EFTUD2: variants seen among roughly 807,000 people sequenced by gnomAD.
EFTUD2 encodes the protein 116 kDa U5 small nuclear ribonucleoprotein component.
In EFTUD2, 9 loss-of-function variants were observed where a neutral mutation model predicts 114.3. That is an observed-to-expected ratio of 0.08 (90% CI 0.05 to 0.14). The LOEUF is 0.14. Ranked by LOEUF, EFTUD2 falls within the 10% of genes least tolerant of loss-of-function variation. The pLI is 1.00. For synonymous variants in EFTUD2, 449 were observed against 462.3 expected (o/e 0.97, Z 0.37); for missense variants, 765 against 1,241.2 (o/e 0.62, Z 5.76).
chr17:44,873,774 C>T (rs1210920284), intron 10 of EFTUD2, among the ~76,000 whole-genome samples: 4 of 150,748 alleles, frequency 2.7e-5, no homozygotes, highest in Non-Finnish European at 5.9e-5. Flanking sequence ...CTCTGTTGCC[C>T]AGGCTGGAGT....
chr17:44,862,910 G>T lies in EFTUD2; in HGVS notation c.1414-4C>A. On this transcript the variant is annotated splice_region_variant and splice_polypyrimidine_tract_variant and intron_variant, in intron 15 of 27. Coordinates refer to ENST00000426333, the MANE Select transcript of EFTUD2 (RefSeq NM_004247.4). The stretch of plus-strand genomic sequence containing the variant: ...TAGTGTGGCACATCAGGGGGCCCTG[G>T]AAGAGGGGACAGGGTGCAGCTTCAA... 1 of 1,607,104 alleles carries T rather than the reference G, an allele frequency of 6.2e-7. No individual in the cohort carries two copies. Among genetic ancestry groups the T allele is most frequent in the Non-Finnish European group, 8.5e-7 (1 of 1,174,292 alleles).
intron 13 of EFTUD2, 22 bp from the exon 14 acceptor site, chr17:44,865,087 T>C (rs373778863): frequency 5.6e-6 from 9 of 1,613,892 alleles, no homozygotes; most frequent in African/African-American, 2.7e-5. Context: ...TAAGACACCA[T>C]GTCAGCTGTA....
rs1250584430 is a variant in EFTUD2 at position 44,874,037 on chromosome 17, T to C, written c.870-1467A>G. Among the ~76,000 whole-genome samples the C allele has an allele frequency of 3.4e-4, 44 of 129,394 alleles. No individual in the cohort carries two copies. In the East Asian group the frequency reaches 4.1e-3, roughly 12 times the overall value. 84.9% of individuals were successfully genotyped at this position (129,394 alleles called of 152,430 possible). On this transcript the variant is annotated intron_variant, in intron 10 of 27. Coordinates refer to ENST00000426333, the MANE Select transcript of EFTUD2 (RefSeq NM_004247.4). Reference sequence around the variant, plus strand: ...GCGTGAGCCACCGTGCCCGGCCTCTTTTTTTTTTTTTTTTTTTTTTAAGAG... The same window carrying C: ...GCGTGAGCCACCGTGCCCGGCCTCTCTTTTTTTTTTTTTTTTTTTTAAGAG...
At chr17:44,880,072 G>A (rs2051043194) in intron 8 of EFTUD2, among the ~76,000 whole-genome samples, 1 of 152,184 alleles carries the variant, frequency 6.6e-6, no homozygotes, top group South Asian at 2.1e-4. Flanking sequence ...GCATCAGATG[G>A]TGCCAAGAAA....
chr17:44,864,037 A>G, intron 14 of EFTUD2: 1 of 356,672 alleles, frequency 2.8e-6, no homozygotes, highest in Non-Finnish European at 5.1e-6. Context: ...TCAGCTGACA[A>G]AAAGTTTAAA....
intron 2 of EFTUD2, 28 bp from the exon 3 acceptor site, chr17:44,886,778 G>A (rs777040962): frequency 2.5e-6 from 4 of 1,600,554 alleles, no homozygotes; most frequent in South Asian, 2.2e-5. Flanking sequence ...AGGGAGAATC[G>A]AAGAGGCACA....
At position 44,885,298 on chromosome 17, in the gene EFTUD2, G is replaced by A. The variant is rs2051147584; in HGVS notation, c.308C>T (p.Thr103Ile). 1 of 1,613,878 alleles carries A rather than the reference G, an allele frequency of 6.2e-7. No individual in the cohort carries two copies. Among genetic ancestry groups the A allele is most frequent in the Non-Finnish European group, 8.5e-7 (1 of 1,179,868 alleles). Residue 103 changes from threonine to isoleucine, a missense_variant, in exon 4 of 28, where the codon ACT (threonine) becomes ATT (isoleucine). By Grantham distance (89) the Thr-to-Ile change is moderately conservative. Transcript: ENST00000426333. ...AACAGGTAATGTCTGCTCCATCAGA[G>A]TGAATTTCTTGGTTTTCACTGGCTT... ...IIKPVKTKKF[T>I]LMEQTLPVTV...
intron 1 of EFTUD2, among the ~76,000 whole-genome samples, chr17:44,898,726 C>G (rs2051448743): frequency 6.6e-6 from 1 of 152,220 alleles, no homozygotes; most frequent in Non-Finnish European, 1.5e-5. Context: ...CTCCAACTTC[C>G]CACTTTCACT....
intron 18 of EFTUD2, 112 bp downstream of exon 18, chr17:44,859,793 C>G: frequency 2.6e-6 from 4 of 1,544,378 alleles, no homozygotes; most frequent in Non-Finnish European, 3.5e-6. Context: ...CCTGACACAG[C>G]TTCCTGTAAG....
rs932798574 is a variant in EFTUD2, at chr17:44,886,879, T to C, written c.106-129A>G. ...CTTCTTATTCTGAGTTCTATGCCAGTGGGGGAGGTTCCACTCCTTTGAGAC... is the reference window on the plus strand; with the variant it reads ...CTTCTTATTCTGAGTTCTATGCCAGCGGGGGAGGTTCCACTCCTTTGAGAC... On this transcript the variant is annotated intron_variant, in intron 2 of 27. Transcript: ENST00000426333. 3.9e-5 allele frequency: 56 copies of C among 1,443,150 alleles called. No individual in the cohort carries two copies. The Middle Eastern group carries it at 1.5e-3, about 39-fold the overall frequency. 89.4% of individuals were successfully genotyped at this position (1,443,150 alleles called of 1,614,324 possible).
intron 2 of EFTUD2, among the ~76,000 whole-genome samples, chr17:44,890,641 G>A (rs900718886): frequency 7.3e-5 from 11 of 150,520 alleles, no homozygotes; most frequent in Admixed American, 2.0e-4. Context: ...ACAGTGAGCC[G>A]AGATCATGCC....
chr17:44,881,915 T>G (rs1352643372), intron 6 of EFTUD2, 193 bp from the exon 7 acceptor site: 9 of 572,330 alleles, frequency 1.6e-5, no homozygotes, highest in Non-Finnish European at 2.8e-5. Context: ...TGCTCCTGGG[T>G]GTGTGGAGGG....
At position 44,850,132 on chromosome 17, in the gene EFTUD2, T is replaced by G; in HGVS notation, c.*1142A>C. On this transcript the variant is annotated 3_prime_UTR_variant, in exon 28 of 28. Coordinates refer to ENST00000426333, the MANE Select transcript of EFTUD2 (RefSeq NM_004247.4). The stretch of plus-strand genomic sequence containing the variant: ...GATACACAATACATGTGAAAGTGTT[T>G]CGTGAACTGTCAGATAAGTGGTTTC... 1.8e-6 allele frequency: 1 copy of G among 541,088 alleles called. No homozygotes were observed. The highest frequency in any genetic ancestry group is 3.3e-6 in the Non-Finnish European group (1 of 298,996). 33.5% of individuals were successfully genotyped at this position (541,088 alleles called of 1,614,324 possible).
chr17:44,878,806 A>T (rs967486805), intron 9 of EFTUD2, among the ~76,000 whole-genome samples: 5 of 152,186 alleles, frequency 3.3e-5, no homozygotes, highest in Non-Finnish European at 7.4e-5. Flanking sequence ...AAAAAAAGAC[A>T]ATTCTGGCTC....
At position 44,893,475 on chromosome 17, in the gene EFTUD2, A is replaced by G. The variant is rs114055606; in HGVS notation, c.105+942T>C. Among the ~76,000 whole-genome samples, 1,317 of 152,304 alleles carry G rather than the reference A, an allele frequency of 8.6e-3. 22 individuals are homozygous for G. The highest frequency in any genetic ancestry group is 0.03 in the African/African-American group (1,247 of 41,556). ...AATCTGAGCTTGTGAGGGAGCTCCC[A>G]GTGCAGCTGTAGCTGGAAGAGTTGA... On this transcript the variant is annotated intron_variant, in intron 2 of 27. Coordinates refer to ENST00000426333, the MANE Select transcript of EFTUD2 (RefSeq NM_004247.4).
At chr17:44,884,141 G>A (rs1436646005) in intron 4 of EFTUD2, 5 of 175,518 alleles carry the variant, frequency 2.8e-5, no homozygotes, top group East Asian at 2.9e-4. Flanking sequence ...AGAGGCTCAC[G>A]CCTGTAATCC....
chr17:44,894,356 G>A (rs2051338371), intron 2 of EFTUD2, 61 bp downstream of exon 2: 8 of 1,389,746 alleles, frequency 5.8e-6, no homozygotes, highest in Non-Finnish European at 8.2e-6. Flanking sequence ...GCAAGAGAGT[G>A]AGATCTTGTC....
At position 44,854,735 on chromosome 17, in the gene EFTUD2, C is replaced by T; in HGVS notation, c.2133-53G>A. The T allele has an allele frequency of 6.3e-7, 1 of 1,595,398 alleles. No homozygotes were observed. Among genetic ancestry groups the T allele is most frequent in the Non-Finnish European group, 8.6e-7 (1 of 1,168,794 alleles). Reference sequence around the variant, plus strand: ...GTCAGCCAGCTCTGTGATTGCTGGTCCTGGAGCCACAGACCCTCCCTTCCT... The same window carrying T: ...GTCAGCCAGCTCTGTGATTGCTGGTTCTGGAGCCACAGACCCTCCCTTCCT... On this transcript the variant is annotated intron_variant, in intron 21 of 27. Coordinates refer to ENST00000426333, the MANE Select transcript of EFTUD2 (RefSeq NM_004247.4). This position sits in a 1 kb window ranked among gnomAD's most constrained non-coding sequence, Gnocchi z 4.3.
At chr17:44,857,025 G>C (rs770138545) in intron 20 of EFTUD2, 50 bp downstream of exon 20, 1 of 1,474,064 alleles carries the variant, frequency 6.8e-7, no homozygotes, top group Non-Finnish European at 9.5e-7. Context: ...ATAAAGGAGA[G>C]AGAGTGTCCA....
Sources: allele counts gnomAD v4.1 joint callset (sites outside exome capture counted in the v4.1 genomes callset), GRCh38; gene constraint gnomAD v4.1.1; non-coding constraint Gnocchi (gnomAD v3.1); transcripts MANE v1.5; gene names NCBI Gene and HGNC (gene_info 2026-07-23, HGNC 2026-07-21).